The following ADGRL3 variants were observed in gnomAD, a reference collection of about 807,000 sequenced individuals.
ADGRL3 encodes adhesion G protein-coupled receptor L3, also known as calcium-independent alpha-latrotoxin receptor 3.
A neutral mutation model predicts 153.5 loss-of-function variants in ADGRL3; 62 were observed. That is an observed-to-expected ratio of 0.40 (90% confidence interval 0.33 to 0.50). ADGRL3 has a LOEUF of 0.50. ADGRL3 is among the 20% of genes least tolerant of loss of function. The probability of loss-of-function intolerance (pLI) is 0.47; values close to 1 mark genes in which losing one functional copy is unlikely to be tolerated. For missense variants in ADGRL3, 1,641 were observed against 1,859.4 expected (o/e 0.88, Z 2.16); for synonymous variants, 710 against 672.5 (o/e 1.06, Z -0.86).
At chr4:61,208,770 T>G (rs571053823) in intron 1 of ADGRL3, among the ~76,000 whole-genome samples, 1 of 152,214 alleles carries the variant, frequency 6.6e-6, no homozygotes, top group Non-Finnish European at 1.5e-5. Flanking sequence ...TTATATATCT[T>G]GGGAATTATT....
chr4:61,688,777 T>G (rs555442559), intron 6 of ADGRL3, among the ~76,000 whole-genome samples: 123 of 152,284 alleles, frequency 8.1e-4, no homozygotes, highest in Non-Finnish European at 1.4e-3. Context: ...TTTGCCCTAA[T>G]TCTTCATTTT....
In ADGRL3 at chr4:61,296,887, G is replaced by A. The variant is rs559468884; in HGVS notation, c.-239-86237G>A. ...CATTCTTTGACTCACTTAATTTTAC[G>A]TTAAGTATATCATGAAATTAAAAAT... On this transcript the variant is annotated intron_variant, in intron 1 of 26. Transcript: ENST00000683033. Among the ~76,000 whole-genome samples, 9 of 151,990 alleles carry A rather than the reference G, an allele frequency of 5.9e-5. No individual in the cohort carries two copies. The South Asian group carries it at 6.2e-4, about 11-fold the overall frequency.
At chr4:61,638,611 T>TTAC (rs1479279807) in intron 5 of ADGRL3, among the ~76,000 whole-genome samples, 1 of 152,180 alleles carries the variant, frequency 6.6e-6, no homozygotes, top group Non-Finnish European at 1.5e-5. Flanking sequence ...TCCTGTTATG[T>TTAC]TACTACTACT....
At chr4:61,927,895 CT>C (rs113066365) in intron 13 of ADGRL3, among the ~76,000 whole-genome samples, 288 of 151,870 alleles carry the variant, frequency 1.9e-3, no homozygotes, top group African/African-American at 6.4e-3. Flanking sequence ...CTATTTTCAT[CT>C]GTCTATCTAT....
chr4:61,863,527 G>A (rs1382809413), intron 9 of ADGRL3, among the ~76,000 whole-genome samples: 2 of 151,806 alleles, frequency 1.3e-5, no homozygotes, highest in East Asian at 2.0e-4. Context: ...GTGAGCCACC[G>A]TGCCCGGCCT....
intron 8 of ADGRL3, among the ~76,000 whole-genome samples, chr4:61,774,235 T>TAATC (rs2097119772): frequency 6.6e-6 from 1 of 151,382 alleles, no homozygotes; most frequent in Non-Finnish European, 1.5e-5. Flanking sequence ...CAGGTACCTA[T>TAATC]AATCCCAGCT....
intron 9 of ADGRL3, among the ~76,000 whole-genome samples, chr4:61,853,702 C>T (rs547121926): frequency 1.3e-4 from 20 of 152,284 alleles, no homozygotes; most frequent in African/African-American, 4.8e-4. Context: ...AAAGCTGTTT[C>T]TCTTTAACTA....
chr4:61,692,670 C>T (rs2095562302), intron 6 of ADGRL3, among the ~76,000 whole-genome samples: 1 of 152,090 alleles, frequency 6.6e-6, no homozygotes, highest in Non-Finnish European at 1.5e-5. Context: ...TCTCGAACTC[C>T]TGGCTTCAAG....
At chr4:61,406,627 TA>T (rs763538886) in intron 2 of ADGRL3, among the ~76,000 whole-genome samples, 2 of 151,922 alleles carry the variant, frequency 1.3e-5, no homozygotes, top group African/African-American at 2.4e-5. Context: ...TTTTATTTAT[TA>T]AAAAATACTA....
intron 9 of ADGRL3, among the ~76,000 whole-genome samples, chr4:61,846,662 G>A (rs540150226): frequency 2.2e-4 from 33 of 152,202 alleles, no homozygotes; most frequent in African/African-American, 7.9e-4. Flanking sequence ...ACCTGAGACT[G>A]GGTAATTTAT....
intron 25 of ADGRL3, among the ~76,000 whole-genome samples, chr4:62,046,960 G>C (rs544458267): frequency 6.6e-6 from 1 of 151,628 alleles, no homozygotes; most frequent in Admixed American, 6.6e-5. Flanking sequence ...GCATTCAGGC[G>C]TGTGTATCAT....
intron 3 of ADGRL3, among the ~76,000 whole-genome samples, chr4:61,505,277 G>T (rs1005403399): frequency 2.1e-4 from 32 of 152,034 alleles, no homozygotes; most frequent in Admixed American, 2.1e-3. Flanking sequence ...CACATCTTTT[G>T]CTCATTTTAA....
At chr4:61,361,200 A>G (rs762586570) in intron 1 of ADGRL3, among the ~76,000 whole-genome samples, 6 of 152,166 alleles carry the variant, frequency 3.9e-5, no homozygotes, top group Non-Finnish European at 7.3e-5. Flanking sequence ...AAATGTCTGT[A>G]GCTCTCATTT....
In ADGRL3 at chr4:61,983,518, T is replaced by G; in HGVS notation, c.3151T>G (p.Phe1051Val). Residue 1051 changes from phenylalanine to valine, a missense_variant, in exon 19 of 27, where the codon TTT becomes GTT. Coordinates refer to ENST00000683033, the MANE Select transcript of ADGRL3 (RefSeq NM_001387552.1). ...FESEHSRRKY[F>V]YLVGYGMPAL... Reference sequence around the variant, plus strand: ...GAGTGAACATTCACGTAGGAAATACTTTTATCTGGTCGGCTATGGGATGCC... The same window carrying G: ...GAGTGAACATTCACGTAGGAAATACGTTTATCTGGTCGGCTATGGGATGCC... 6.2e-7 allele frequency: 1 copy of G among 1,614,000 alleles called. No homozygotes were observed. Among genetic ancestry groups the G allele is most frequent in the Non-Finnish European group, 8.5e-7 (1 of 1,179,868 alleles).
chr4:61,922,632 C>G (rs1346004566), intron 13 of ADGRL3, among the ~76,000 whole-genome samples: 1 of 152,116 alleles, frequency 6.6e-6, no homozygotes, highest in Non-Finnish European at 1.5e-5. Flanking sequence ...ATGTCCTTTT[C>G]AAAGTCTGAA....
intron 2 of ADGRL3, among the ~76,000 whole-genome samples, chr4:61,394,279 A>G (rs2096845067): frequency 6.6e-6 from 1 of 152,058 alleles, no homozygotes; most frequent in Non-Finnish European, 1.5e-5. Flanking sequence ...GGACCTAAGT[A>G]TACATATCAT....
intron 9 of ADGRL3, among the ~76,000 whole-genome samples, chr4:61,832,051 G>A (rs2097877398): frequency 6.6e-6 from 1 of 152,092 alleles, no homozygotes; most frequent in Non-Finnish European, 1.5e-5. Flanking sequence ...GAGGCCAAGG[G>A]AAAGCATTCT....
intron 11 of ADGRL3, among the ~76,000 whole-genome samples, chr4:61,904,520 T>C (rs2098686151): frequency 6.6e-6 from 1 of 152,210 alleles, no homozygotes; most frequent in Non-Finnish European, 1.5e-5. Context: ...AACTTTTTCA[T>C]TACTGCACAT....
intron 24 of ADGRL3, among the ~76,000 whole-genome samples, chr4:62,043,184 C>T (rs1388708316): frequency 6.6e-6 from 1 of 151,982 alleles, no homozygotes; most frequent in Non-Finnish European, 1.5e-5. Flanking sequence ...TGTACTTTTG[C>T]ATTTATTTTT....
Sources: gnomAD v4.1 joint callset for allele counts (sites outside exome capture counted in the v4.1 genomes callset) on GRCh38, gnomAD v4.1.1 for gene constraint, MANE v1.5 for transcripts, NCBI Gene and HGNC (gene_info 2026-07-23, HGNC 2026-07-21) for gene names.